The following TMCO5A variants were observed in gnomAD, a reference collection of about 807,000 sequenced individuals.
TMCO5A encodes the protein transmembrane and coiled-coil domains 5A.
Under a neutral mutation model 42.3 loss-of-function variants are expected in TMCO5A, and 34 were observed. That is an observed-to-expected ratio of 0.80 (90% CI 0.61 to 1.07). The LOEUF is 1.07. TMCO5A is among the 50% of genes least tolerant of loss of function. The pLI is 0.00. For synonymous variants in TMCO5A, 131 were observed against 115.6 expected, an observed-to-expected ratio of 1.13 and a Z score of -0.86; for missense variants, 357 against 327.9, an observed-to-expected ratio of 1.09 and a Z score of -0.69.
chr15:38,012,134 GA>G, the TMCO5A span, among the ~76,000 whole-genome samples: 1 of 140,154 alleles, frequency 7.1e-6, no homozygotes, highest in African/African-American at 2.7e-5. Flanking sequence ...AAAAAAAAAA[GA>G]AAAAAAGAAA....
At chr15:38,024,721 G>C in the TMCO5A span, 1 of 152,304 alleles carries the variant, frequency 6.6e-6, no homozygotes, top group Non-Finnish European at 1.5e-5. Context: ...CTCAGCCGAA[G>C]GCCTCACATA....
chr15:37,962,997 T>C (rs1055072388), intron 11 of TMCO5A, among the ~76,000 whole-genome samples: 3 of 152,062 alleles, frequency 2.0e-5, no homozygotes, highest in African/African-American at 4.8e-5. Flanking sequence ...ACCAGCTTTT[T>C]GTTTCATTTA....
chr15:38,023,375 G>A, the TMCO5A span, among the ~76,000 whole-genome samples: 1 of 152,158 alleles, frequency 6.6e-6, no homozygotes, highest in Admixed American at 6.5e-5. Context: ...GAGCTGGCCA[G>A]ACATCTCTCT....
At chr15:37,970,682 G>A (rs1268921596), downstream of TMCO5A, among the ~76,000 whole-genome samples, 2 of 152,286 alleles carry the variant, frequency 1.3e-5, no homozygotes, top group Non-Finnish European at 2.9e-5. Context: ...GAGACAATGG[G>A]GATACAGGTA....
chr15:37,952,749 T>A (rs1890190313), downstream of TMCO5A, among the ~76,000 whole-genome samples: 1 of 152,084 alleles, frequency 6.6e-6, no homozygotes, highest in Non-Finnish European at 1.5e-5. Context: ...GAGCACAGAG[T>A]GAGCCCTTGG....
At chr15:38,033,089 G>A in the TMCO5A span, among the ~76,000 whole-genome samples, 1 of 151,888 alleles carries the variant, frequency 6.6e-6, no homozygotes, top group Admixed American at 6.6e-5. Context: ...CACCTCGCCC[G>A]GCTAATTTTT....
chr15:37,981,089 TTAAAG>T, the TMCO5A span, among the ~76,000 whole-genome samples: 1 of 151,622 alleles, frequency 6.6e-6, no homozygotes, highest in African/African-American at 2.4e-5. Context: ...CTTTTGTTGT[TTAAAG>T]TAAAGGTAAA....
chr15:38,034,153 A>G, the TMCO5A span, among the ~76,000 whole-genome samples: 1 of 152,160 alleles, frequency 6.6e-6, no homozygotes, highest in African/African-American at 2.4e-5. Context: ...AAGGGCAAAA[A>G]GGGCCTGTCT....
downstream of TMCO5A, among the ~76,000 whole-genome samples, chr15:37,969,220 A>G (rs1890628521): frequency 6.6e-6 from 1 of 152,246 alleles, no homozygotes; most frequent in African/African-American, 2.4e-5. Flanking sequence ...ACCATGTGTT[A>G]GCAAAGCCAT....
At chr15:37,943,527 A>G in intron 10 of TMCO5A, 129 bp downstream of exon 10, 3 of 783,822 alleles carry the variant, frequency 3.8e-6, no homozygotes, top group South Asian at 1.8e-5. Context: ...AGTACCAGCT[A>G]TAATTACAGA....
At chr15:37,961,895 G>A (rs140493346) in intron 11 of TMCO5A, among the ~76,000 whole-genome samples, 208 of 152,010 alleles carry the variant, frequency 1.4e-3, no homozygotes, top group African/African-American at 4.8e-3. Flanking sequence ...TCTTGTATCC[G>A]GAAACTTTGC....
chr15:38,030,471 C>T, the TMCO5A span, among the ~76,000 whole-genome samples: 1 of 152,172 alleles, frequency 6.6e-6, no homozygotes, highest in Non-Finnish European at 1.5e-5. Context: ...TTATCACAGC[C>T]TCTAAATTCC....
chr15:37,936,195 T>A, intron 2 of TMCO5A, 119 bp from the exon 3 acceptor site: 1 of 1,129,410 alleles, frequency 8.9e-7, no homozygotes, highest in Non-Finnish European at 1.2e-6. Context: ...ATGAAAATGG[T>A]ATGCCCCCAG....
At chr15:37,993,039 TATG>T in the TMCO5A span, among the ~76,000 whole-genome samples, 17 of 152,212 alleles carry the variant, frequency 1.1e-4, no homozygotes, top group Non-Finnish European at 2.5e-4. Context: ...TCATTTCAGT[TATG>T]ATATTTTTTA....
At chr15:38,015,654 G>A in the TMCO5A span, among the ~76,000 whole-genome samples, 6 of 152,284 alleles carry the variant, frequency 3.9e-5, no homozygotes, top group Admixed American at 3.9e-4. Flanking sequence ...AAGCAACCAA[G>A]ATGGCGTTCA....
chr15:37,966,787 C>T (rs964619554), exon 12 of TMCO5A: 1 of 683,558 alleles, frequency 1.5e-6, no homozygotes, highest in African/African-American at 1.8e-5. Context: ...CCTACCCTGT[C>T]CCACAGTCAA....
the TMCO5A span, chr15:37,994,769 T>C: frequency 6.6e-6 from 1 of 152,232 alleles, no homozygotes; most frequent in Non-Finnish European, 1.5e-5. Flanking sequence ...TATTAATATC[T>C]ATCGCTGTAC....
At chr15:37,957,562 T>A (rs1413663361) in intron 11 of TMCO5A, among the ~76,000 whole-genome samples, 1 of 152,094 alleles carries the variant, frequency 6.6e-6, no homozygotes, top group African/African-American at 2.4e-5. Flanking sequence ...CAAGGAGAAC[T>A]ACAAACCACT....
intron 10 of TMCO5A, among the ~76,000 whole-genome samples, chr15:37,946,701 C>T (rs780995931): frequency 2.0e-5 from 3 of 152,072 alleles, no homozygotes; most frequent in Non-Finnish European, 4.4e-5. Flanking sequence ...GACTTCTGCA[C>T]ATTGAATTTG....
Sources: gnomAD v4.1 joint callset for allele counts (sites outside exome capture counted in the v4.1 genomes callset) on GRCh38, gnomAD v4.1.1 for gene constraint, MANE v1.5 for transcripts, NCBI Gene and HGNC (gene_info 2026-07-23, HGNC 2026-07-21) for gene names.